Variants in GABRG3 observed in about 807,000 individuals in gnomAD.
The protein encoded by GABRG3 is gamma-aminobutyric acid type A receptor subunit gamma3.
Under a neutral mutation model 48.8 loss-of-function variants are expected in GABRG3, and 25 were observed. The observed-to-expected ratio is 0.51, with a 90% CI of 0.37 to 0.72. The LOEUF is 0.72. Among genes scored for constraint, GABRG3 ranks in the 30% least tolerant of loss-of-function variants. The pLI is 0.00. For missense variants in GABRG3, 394 were observed against 577.9 expected, an observed-to-expected ratio of 0.68 and a Z score of 3.26; for synonymous variants, 227 against 217.6, an observed-to-expected ratio of 1.04 and a Z score of -0.38.
intron 2 of GABRG3, among the ~76,000 whole-genome samples, chr15:27,003,232 TTTA>T (rs1440047532): frequency 3.4e-5 from 5 of 148,810 alleles, no homozygotes; most frequent in African/African-American, 4.9e-5. Context: ...TATTTATTTA[TTTA>T]TTTTTTATTG....
At chr15:27,302,190 A>C (rs2140493729) in intron 3 of GABRG3, among the ~76,000 whole-genome samples, 1 of 152,230 alleles carries the variant, frequency 6.6e-6, no homozygotes. Context: ...ATATAAAAGG[A>C]AAAAATACAT....
At chr15:27,399,120 C>T (rs745767875) in intron 5 of GABRG3, among the ~76,000 whole-genome samples, 4 of 152,196 alleles carry the variant, frequency 2.6e-5, no homozygotes, top group South Asian at 4.1e-4. Context: ...AAAGCTAAAA[C>T]AATGGCATAG....
chr15:27,306,628 A>T (rs1043262337), intron 3 of GABRG3, among the ~76,000 whole-genome samples: 1 of 115,890 alleles, frequency 8.6e-6, no homozygotes, highest in East Asian at 2.2e-4. Context: ...TATATAATAT[A>T]AACATATATT....
chr15:27,168,338 C>CA (rs201551264), intron 3 of GABRG3, among the ~76,000 whole-genome samples: 3,504 of 152,168 alleles, frequency 0.023, 144 homozygotes, highest in African/African-American at 0.08. Flanking sequence ...TTCCCTCCAC[C>CA]ACTCCCCAGC....
chr15:27,089,804 C>A (rs2140753714), intron 3 of GABRG3, among the ~76,000 whole-genome samples: 1 of 152,314 alleles, frequency 6.6e-6, no homozygotes, highest in Admixed American at 6.5e-5. Context: ...ATGTGGCCTC[C>A]CTCTTGTGAC....
chr15:27,523,826 G>A (rs1891213286), intron 7 of GABRG3, among the ~76,000 whole-genome samples: 1 of 151,840 alleles, frequency 6.6e-6, no homozygotes, highest in African/African-American at 2.4e-5. Context: ...GCAACAGAGA[G>A]GGAATATATT....
chr15:27,452,164 C>A (rs1889131533), intron 5 of GABRG3, among the ~76,000 whole-genome samples: 1 of 152,128 alleles, frequency 6.6e-6, no homozygotes, highest in Non-Finnish European at 1.5e-5. Context: ...AAATGCAAAT[C>A]TAAACCTCAG....
chr15:27,466,466 A>T (rs374933584), intron 5 of GABRG3, among the ~76,000 whole-genome samples: 1 of 121,090 alleles, frequency 8.3e-6, no homozygotes, highest in Non-Finnish European at 1.5e-5. Context: ...CCAAAGCAGA[A>T]CTTATTTCTT....
intron 3 of GABRG3, among the ~76,000 whole-genome samples, chr15:27,307,755 A>G (rs942065573): frequency 3.2e-5 from 4 of 125,900 alleles, no homozygotes; most frequent in Non-Finnish European, 6.3e-5. Flanking sequence ...TTATATATAA[A>G]CATATAAAAT....
intron 3 of GABRG3, among the ~76,000 whole-genome samples, chr15:27,276,685 T>G (rs917154236): frequency 6.6e-6 from 1 of 151,884 alleles, no homozygotes; most frequent in African/African-American, 2.4e-5. Context: ...GGAACAAGAG[T>G]GGCGTGGTGC....
At chr15:27,328,927 G>A in intron 5 of GABRG3, 39 bp downstream of exon 5, 1 of 1,498,446 alleles carries the variant, frequency 6.7e-7, no homozygotes, top group Non-Finnish European at 9.3e-7. Flanking sequence ...CATGCTGTGT[G>A]AGGGATGCCT....
rs1160365340 is a variant in GABRG3, at chr15:27,447,685, G to A, written c.575-32965G>A. 1.3e-5 allele frequency among the ~76,000 whole-genome samples: 2 copies of A among 152,150 alleles called. No homozygotes were observed. The highest frequency in any genetic ancestry group is 4.8e-5 in the African/African-American group (2 of 41,436). On this transcript the variant is annotated intron_variant, in intron 5 of 9. Coordinates refer to ENST00000615808, the MANE Select transcript of GABRG3 (RefSeq NM_033223.5). This position sits in a 1 kb window ranked among gnomAD's most constrained non-coding sequence, Gnocchi z 4.0. ...ACTATGCAGCCATAAAAAAGGATGA[G>A]TTCATTTCCTTTGCAGAGACATGGA...
At chr15:27,245,936 T>A (rs1890256124) in intron 3 of GABRG3, among the ~76,000 whole-genome samples, 1 of 152,240 alleles carries the variant, frequency 6.6e-6, no homozygotes, top group South Asian at 2.1e-4. Flanking sequence ...CACCAGCATC[T>A]GCTTCTGGTC....
At chr15:27,326,721 G>C in intron 3 of GABRG3, 88 bp from the exon 4 acceptor site, 1 of 1,061,580 alleles carries the variant, frequency 9.4e-7, no homozygotes, top group Non-Finnish European at 1.4e-6. Flanking sequence ...TGTCAACATG[G>C]AGAGAACACA....
At chr15:27,267,683 G>C (rs895044560) in intron 3 of GABRG3, among the ~76,000 whole-genome samples, 1 of 152,102 alleles carries the variant, frequency 6.6e-6, no homozygotes, top group Non-Finnish European at 1.5e-5. Context: ...CCATTTATCT[G>C]ATTAAGGAAG....
chr15:27,092,584 G>C (rs368840953), intron 3 of GABRG3, among the ~76,000 whole-genome samples: 7 of 152,152 alleles, frequency 4.6e-5, no homozygotes, highest in African/African-American at 9.7e-5. Context: ...GTGTTGCCCC[G>C]TCCGTGTGAG....
chr15:27,433,397 C>T (rs954539434), intron 5 of GABRG3, among the ~76,000 whole-genome samples: 1 of 152,182 alleles, frequency 6.6e-6, no homozygotes, highest in Admixed American at 6.5e-5. Context: ...CTAGGAGATG[C>T]CTTTCCTTGC....
intron 3 of GABRG3, among the ~76,000 whole-genome samples, chr15:27,116,439 A>G (rs926904669): frequency 6.6e-6 from 1 of 152,206 alleles, no homozygotes; most frequent in African/African-American, 2.4e-5. Context: ...TGGCAAAAAC[A>G]CTAGAAACAT....
At chr15:27,194,375 A>C (rs1386861293) in intron 3 of GABRG3, among the ~76,000 whole-genome samples, 2 of 152,180 alleles carry the variant, frequency 1.3e-5, no homozygotes, top group African/African-American at 4.8e-5. Flanking sequence ...TCTTTTGTGA[A>C]GTTCCAAACC....
Sources: gnomAD v4.1 joint callset for allele counts (sites outside exome capture counted in the v4.1 genomes callset) on GRCh38, gnomAD v4.1.1 for gene constraint, Gnocchi (gnomAD v3.1) non-coding constraint, MANE v1.5 for transcripts, NCBI Gene and HGNC (gene_info 2026-07-23, HGNC 2026-07-21) for gene names.